DZIP3: variants seen among roughly 807,000 people sequenced by gnomAD.
The protein encoded by DZIP3 is DAZ interacting zinc finger protein 3.
Under a neutral mutation model 162.0 loss-of-function variants are expected in DZIP3, and 118 were observed. The ratio of observed to expected loss-of-function variants is 0.73; its 90% CI spans 0.63 to 0.85. DZIP3 has a LOEUF of 0.85. Ranked by LOEUF, DZIP3 falls within the 40% of genes least tolerant of loss-of-function variation. DZIP3 has a pLI of 0.00. For missense variants in DZIP3, 1,331 were observed against 1,407.0 expected (o/e 0.95, Z 0.86); for synonymous variants, 438 against 458.6 (o/e 0.96, Z 0.57).
intron 7 of DZIP3, among the ~76,000 whole-genome samples, chr3:108,627,598 G>A (rs1391813447): frequency 6.6e-6 from 1 of 152,102 alleles, no homozygotes; most frequent in Non-Finnish European, 1.5e-5. Context: ...AGTCTTCTCA[G>A]CACCATATTA....
At chr3:108,671,278 T>A (rs1415776249) in intron 22 of DZIP3, among the ~76,000 whole-genome samples, 1 of 151,960 alleles carries the variant, frequency 6.6e-6, no homozygotes, top group African/African-American at 2.4e-5. Context: ...TGTACTGTTA[T>A]CAAGTTTCTC....
chr3:108,604,370 T>C (rs1940201720), intron 1 of DZIP3, among the ~76,000 whole-genome samples: 1 of 152,178 alleles, frequency 6.6e-6, no homozygotes, highest in Non-Finnish European at 1.5e-5. Context: ...GTTTTATATA[T>C]AATTTAACAC....
At chr3:108,621,859 G>C (rs939034201) in intron 5 of DZIP3, among the ~76,000 whole-genome samples, 8 of 152,082 alleles carry the variant, frequency 5.3e-5, no homozygotes, top group Non-Finnish European at 1.2e-4. Flanking sequence ...AGCAACCTAA[G>C]TGTCCATCCA....
At chr3:108,631,582 CCT>C (rs1491243380) in intron 8 of DZIP3, among the ~76,000 whole-genome samples, 7 of 128,884 alleles carry the variant, frequency 5.4e-5, no homozygotes, top group Admixed American at 5.1e-4. Context: ...ATTATTATTC[CCT>C]TTTTTTTTTT....
intron 4 of DZIP3, among the ~76,000 whole-genome samples, chr3:108,614,375 G>A (rs1000353732): frequency 1.3e-5 from 2 of 152,176 alleles, no homozygotes; most frequent in Non-Finnish European, 2.9e-5. Flanking sequence ...CTGCCTCTGT[G>A]AAGAACTTGA....
intron 19 of DZIP3, 84 bp downstream of exon 19, chr3:108,654,394 A>C: frequency 6.9e-7 from 1 of 1,447,768 alleles, no homozygotes; most frequent in Non-Finnish European, 9.7e-7. Context: ...TCACCCTTTG[A>C]AAAGCCCAGT....
chr3:108,628,955 A>G, intron 7 of DZIP3, 107 bp from the exon 8 acceptor site: 1 of 635,798 alleles, frequency 1.6e-6, no homozygotes, highest in Non-Finnish European at 2.7e-6. Context: ...GCCAGAGGTT[A>G]TCACCACCCT....
At chr3:108,596,811 T>C (rs114385427) in intron 1 of DZIP3, among the ~76,000 whole-genome samples, 2,079 of 152,276 alleles carry the variant, frequency 0.014, 62 homozygotes, top group African/African-American at 0.047. Flanking sequence ...ATGGGGCTTA[T>C]ATTCTAGTGG....
intron 19 of DZIP3, among the ~76,000 whole-genome samples, chr3:108,657,333 T>G (rs1943180118): frequency 6.6e-6 from 1 of 152,154 alleles, no homozygotes; most frequent in Non-Finnish European, 1.5e-5. Flanking sequence ...GGGCCAATAT[T>G]CAACATTCTT....
Position 108,685,354 on chromosome 3 carries a change from T to A in DZIP3, c.3009+1013T>A, listed in dbSNP as rs1452473806. On this transcript the variant is annotated intron_variant, in intron 27 of 32. Coordinates refer to ENST00000361582, the MANE Select transcript of DZIP3 (RefSeq NM_014648.4). ...GCTTGACATAGAAGCAAATTCAGATTTCTGGGAAATATTCTGCTTCCCCTC... is the reference window on the plus strand; with the variant it reads ...GCTTGACATAGAAGCAAATTCAGATATCTGGGAAATATTCTGCTTCCCCTC... Among the ~76,000 whole-genome samples the A allele has an allele frequency of 2.0e-5, 3 of 152,160 alleles. No homozygotes were observed. The East Asian group carries it at 5.8e-4, about 29-fold the overall frequency.
intron 5 of DZIP3, among the ~76,000 whole-genome samples, chr3:108,621,354 T>C (rs1187455810): frequency 6.6e-6 from 1 of 152,230 alleles, no homozygotes. Flanking sequence ...TGTGAGATAC[T>C]TTGATGCAGG....
chr3:108,604,302 T>C (rs922633444), intron 1 of DZIP3, among the ~76,000 whole-genome samples: 2 of 152,328 alleles, frequency 1.3e-5, no homozygotes, highest in Admixed American at 6.5e-5. Context: ...ATTTTATTTA[T>C]GCAGTTGCTG....
At chr3:108,659,644 C>T (rs1269984591) in intron 19 of DZIP3, among the ~76,000 whole-genome samples, 9 of 151,956 alleles carry the variant, frequency 5.9e-5, no homozygotes, top group African/African-American at 1.9e-4. Flanking sequence ...CCAGGGCAAT[C>T]AGGCAGGAGA....
At chr3:108,604,564 G>T (rs563886083) in intron 1 of DZIP3, among the ~76,000 whole-genome samples, 1 of 152,208 alleles carries the variant, frequency 6.6e-6, no homozygotes, top group Non-Finnish European at 1.5e-5. Flanking sequence ...GTTTTCATTT[G>T]TGTTGCCTCA....
chr3:108,642,316 C>T, intron 12 of DZIP3, 122 bp from the exon 13 acceptor site: 1 of 1,100,516 alleles, frequency 9.1e-7, no homozygotes, highest in Non-Finnish European at 1.2e-6. Flanking sequence ...TATTTTTTCT[C>T]CTTCTTGAAT....
chr3:108,675,698 A>G (rs964489497), intron 24 of DZIP3, 88 bp from the exon 25 acceptor site: 37 of 1,141,832 alleles, frequency 3.2e-5, no homozygotes, highest in Non-Finnish European at 4.1e-5. Flanking sequence ...TTGTTGACAT[A>G]TATGCTAGAA....
At chr3:108,658,286 C>G (rs1943240553) in intron 19 of DZIP3, among the ~76,000 whole-genome samples, 2 of 152,198 alleles carry the variant, frequency 1.3e-5, no homozygotes, top group African/African-American at 4.8e-5. Context: ...TTATAACAAA[C>G]TGTCTCTCAG....
chr3:108,589,647 G>A (rs1939261795), upstream of DZIP3: 1 of 320,792 alleles, frequency 3.1e-6, no homozygotes, highest in Admixed American at 5.0e-5. Context: ...CGAGGTTTCG[G>A]CCTGAGATCC....
At position 108,642,928 on chromosome 3, in the gene DZIP3, G is replaced by A. The variant is rs190149808; in HGVS notation, c.1141+414G>A. ...CTAAGTAATCTAAACTAAGCTGCCA[G>A]CTTCTTAGGAGTGTGCTAGGAAATG... On this transcript the variant is annotated intron_variant, in intron 13 of 32. Coordinates refer to ENST00000361582, the MANE Select transcript of DZIP3 (RefSeq NM_014648.4). 1.2e-4 allele frequency among the ~76,000 whole-genome samples: 18 copies of A among 152,306 alleles called. No individual in the cohort carries two copies. In the East Asian group the frequency reaches 3.5e-3, roughly 29 times the overall value.
Sources: allele counts gnomAD v4.1 joint callset (sites outside exome capture counted in the v4.1 genomes callset), GRCh38; gene constraint gnomAD v4.1.1; transcripts MANE v1.5; gene names NCBI Gene and HGNC (gene_info 2026-07-23, HGNC 2026-07-21).